MPP7: variants seen among roughly 807,000 people sequenced by gnomAD.
The protein encoded by MPP7 is MAGUK p55 scaffold protein 7, also known as MAGUK p55 subfamily member 7.
In MPP7, 60 loss-of-function variants were observed where a neutral mutation model predicts 76.5. The ratio of observed to expected loss-of-function variants is 0.78; its 90% CI spans 0.64 to 0.97. The LOEUF (loss-of-function observed/expected upper bound fraction) is 0.97. Ranked by LOEUF, MPP7 falls within the 50% of genes least tolerant of loss-of-function variation. The pLI, the probability that MPP7 is intolerant of heterozygous loss-of-function variation, is 0.00. For missense variants in MPP7, 641 were observed against 694.0 expected, an observed-to-expected ratio of 0.92 and a Z score of 0.86; for synonymous variants, 237 against 244.5, an observed-to-expected ratio of 0.97 and a Z score of 0.29.
chr10:28,307,073 G>C (rs995871428), upstream of MPP7, among the ~76,000 whole-genome samples: 3 of 152,302 alleles, frequency 2.0e-5, no homozygotes, highest in Admixed American at 2.0e-4. Context: ...CCCTGTTTAT[G>C]AGCAGAGGTT....
chr10:28,202,313 ATC>A (rs1183970252), intron 2 of MPP7, 42 bp from the exon 3 acceptor site: 2 of 1,413,368 alleles, frequency 1.4e-6, no homozygotes. Flanking sequence ...TCTTAGAGTG[ATC>A]TCATTAATTT....
intron 11 of MPP7, among the ~76,000 whole-genome samples, chr10:28,108,366 T>C (rs1453692674): frequency 6.6e-6 from 1 of 152,136 alleles, no homozygotes; most frequent in Admixed American, 6.6e-5. Context: ...TCTCTAAATG[T>C]GTTTCTGGTT....
intron 2 of MPP7, among the ~76,000 whole-genome samples, chr10:28,205,012 C>T (rs1428064108): frequency 6.6e-6 from 1 of 152,130 alleles, no homozygotes; most frequent in East Asian, 1.9e-4. Context: ...TTAGCAGAAG[C>T]TCATAAACCA....
chr10:28,161,434 G>GA (rs1275670460), intron 3 of MPP7, among the ~76,000 whole-genome samples: 1 of 133,362 alleles, frequency 7.5e-6, no homozygotes, highest in Non-Finnish European at 1.5e-5. Context: ...TTCTTCCTAT[G>GA]AAAAACATTT....
chr10:28,115,021 C>T (rs193117343), intron 11 of MPP7, among the ~76,000 whole-genome samples: 53 of 152,310 alleles, frequency 3.5e-4, no homozygotes, highest in Non-Finnish European at 7.1e-4. Context: ...AAACTCTGAA[C>T]TCTGGCATCT....
At chr10:28,274,352 G>A (rs1455822723) in intron 1 of MPP7, among the ~76,000 whole-genome samples, 2 of 151,516 alleles carry the variant, frequency 1.3e-5, no homozygotes, top group Admixed American at 6.6e-5. Context: ...GCCCACCTCG[G>A]CCTCCCAAAG....
chr10:28,246,324 A>T (rs1435382259), intron 1 of MPP7, among the ~76,000 whole-genome samples: 1 of 152,142 alleles, frequency 6.6e-6, no homozygotes, highest in Non-Finnish European at 1.5e-5. Context: ...AAAATCTGCC[A>T]ATCAAGAAGA....
chr10:28,258,440 C>T (rs891905057), intron 1 of MPP7, among the ~76,000 whole-genome samples: 23 of 148,596 alleles, frequency 1.5e-4, no homozygotes, highest in African/African-American at 4.7e-4. Context: ...CACTCTGTCA[C>T]CCAGGCTAGA....
At chr10:28,119,573 C>T (rs1469343371) in intron 11 of MPP7, 78 bp downstream of exon 11, 1 of 1,176,606 alleles carries the variant, frequency 8.5e-7, no homozygotes, top group East Asian at 2.4e-5. Context: ...ACCCTTTGTT[C>T]TGCCATGAGC....
At chr10:28,141,006 T>A (rs1200190967) in intron 5 of MPP7, among the ~76,000 whole-genome samples, 6 of 152,088 alleles carry the variant, frequency 3.9e-5, no homozygotes, top group Admixed American at 2.0e-4. Context: ...TGATTTTTTT[T>A]AAATACTAAA....
At chr10:28,279,268 C>T (rs1840596209) in intron 1 of MPP7, among the ~76,000 whole-genome samples, 1 of 152,036 alleles carries the variant, frequency 6.6e-6, no homozygotes, top group Non-Finnish European at 1.5e-5. Flanking sequence ...TAAATCCATG[C>T]CTTCCTTCCT....
chr10:28,285,684 C>T (rs1426711393), intron 1 of MPP7, among the ~76,000 whole-genome samples: 2 of 152,082 alleles, frequency 1.3e-5, no homozygotes, highest in Admixed American at 1.3e-4. Context: ...TATTACCTGA[C>T]TGGGGTGAGA....
chr10:28,057,782 G>A, intron 15 of MPP7: 1 of 1,287,876 alleles, frequency 7.8e-7, no homozygotes, highest in South Asian at 1.2e-5. Flanking sequence ...GCTTCCGCAG[G>A]TCATTCTAGC....
At chr10:28,283,671 C>T (rs1005823761) in intron 1 of MPP7, among the ~76,000 whole-genome samples, 1 of 151,890 alleles carries the variant, frequency 6.6e-6, no homozygotes, top group Non-Finnish European at 1.5e-5. Context: ...CCCGCCACCA[C>T]GCCCAGCTAA....
chr10:28,108,082 T>C (rs574643147), intron 11 of MPP7, among the ~76,000 whole-genome samples: 98 of 152,318 alleles, frequency 6.4e-4, no homozygotes, highest in African/African-American at 2.2e-3. Flanking sequence ...GCAGCAATTG[T>C]AAAAGACACA....
At chr10:28,083,532 CTTTTTTTTTTTT>C (rs5784040) in intron 12 of MPP7, among the ~76,000 whole-genome samples, 1 of 81,730 alleles carries the variant, frequency 1.2e-5, no homozygotes, top group Non-Finnish European at 2.5e-5. Context: ...TTTTCTTCCT[CTTTTTTTTTTTT>C]TTTTTTTTTT....
At chr10:28,114,170 G>T (rs1007614880) in intron 11 of MPP7, among the ~76,000 whole-genome samples, 5 of 152,202 alleles carry the variant, frequency 3.3e-5, no homozygotes, top group Non-Finnish European at 5.9e-5. Context: ...CAGCACTTTG[G>T]GAGGCCACAG....
chr10:28,267,145 T>C (rs999147569), intron 1 of MPP7, among the ~76,000 whole-genome samples: 2 of 152,206 alleles, frequency 1.3e-5, no homozygotes, highest in Non-Finnish European at 2.9e-5. Flanking sequence ...CATTCACTTA[T>C]ATATTGTCTA....
intron 11 of MPP7, among the ~76,000 whole-genome samples, chr10:28,112,516 A>T (rs938578634): frequency 6.6e-6 from 1 of 152,212 alleles, no homozygotes; most frequent in African/African-American, 2.4e-5. Context: ...TGCTGTATAA[A>T]TTTGCAAAAG....
Sources: allele counts gnomAD v4.1 joint callset (sites outside exome capture counted in the v4.1 genomes callset), GRCh38; gene constraint gnomAD v4.1.1; transcripts MANE v1.5; gene names NCBI Gene and HGNC (gene_info 2026-07-23, HGNC 2026-07-21).